Variants in ATL1 observed in about 807,000 individuals in gnomAD.
The protein encoded by ATL1 is atlastin-1.
In ATL1, 31 loss-of-function variants were observed where a neutral mutation model predicts 75.5. The ratio of observed to expected loss-of-function variants is 0.41; its 90% CI spans 0.31 to 0.55. The LOEUF is 0.55. ATL1 is among the 20% of genes least tolerant of loss of function. The pLI is 0.27. For missense variants in ATL1, 405 were observed against 662.6 expected (o/e 0.61, Z 4.27); for synonymous variants, 226 against 233.3 (o/e 0.97, Z 0.28).
Position 50,580,785 on chromosome 14 carries a change from G to A in ATL1, c.35-7046G>A, listed in dbSNP as rs186711017. On this transcript the variant is annotated intron_variant, in intron 1 of 13. Transcript: ENST00000358385. ...AGAAGTTTGTGTAAGATTGCTCTTC[G>A]TTGTTTTCTAAATGTTTAGAAGAGT... Among the ~76,000 whole-genome samples the A allele has an allele frequency of 3.9e-4, 59 of 152,152 alleles. 2 individuals carry two copies. The highest frequency in any genetic ancestry group is 2.4e-3 in the Admixed American group (36 of 15,286).
chr14:50,558,506 CTATT>C (rs1475174976), upstream of ATL1, among the ~76,000 whole-genome samples: 1 of 152,148 alleles, frequency 6.6e-6, no homozygotes, highest in Non-Finnish European at 1.5e-5. Context: ...ATACAGAGAG[CTATT>C]TATTTAAGCA....
chr14:50,582,960 T>C (rs1159300805), intron 1 of ATL1, among the ~76,000 whole-genome samples: 1 of 152,214 alleles, frequency 6.6e-6, no homozygotes, highest in East Asian at 1.9e-4. Context: ...AGCTATATGA[T>C]CACCTCAATA....
intron 1 of ATL1, among the ~76,000 whole-genome samples, chr14:50,586,227 CATT>C (rs2039100479): frequency 6.6e-6 from 1 of 152,130 alleles, no homozygotes; most frequent in African/African-American, 2.4e-5. Context: ...AAATTATTAT[CATT>C]GTCTTAGTCA....
At chr14:50,547,475 A>C (rs532909420) in intron 1 of ATL1, among the ~76,000 whole-genome samples, 1 of 152,352 alleles carries the variant, frequency 6.6e-6, no homozygotes, top group Non-Finnish European at 1.5e-5. Context: ...AGGAGCAAAA[A>C]GAATATGGGC....
intron 8 of ATL1, among the ~76,000 whole-genome samples, chr14:50,619,000 C>G (rs547520307): frequency 2.0e-5 from 3 of 152,212 alleles, no homozygotes; most frequent in Non-Finnish European, 4.4e-5. Context: ...AAGCGATTCT[C>G]CTGCCTCAGC....
At chr14:50,540,233 C>G (rs1199788659) in intron 1 of ATL1, among the ~76,000 whole-genome samples, 1 of 152,168 alleles carries the variant, frequency 6.6e-6, no homozygotes, top group East Asian at 1.9e-4. Flanking sequence ...ATAGGTGGTG[C>G]TATCCTATTA....
rs140584469 is a variant in ATL1, at chr14:50,550,388, AC to A, written c.-139-9736del. Among the ~76,000 whole-genome samples, 345 of 152,302 alleles carry A rather than the reference AC, an allele frequency of 2.3e-3. 3 individuals carry two copies. Among genetic ancestry groups the A allele is most frequent in the African/African-American group, 7.7e-3 (320 of 41,562 alleles). On this transcript the variant is annotated intron_variant, in intron 1 of 13. Transcript: ENST00000441560. ...CATCTGTGTTTGCCTTGTTTCTGCTACCCATGGCAGCTGGTAATGTCTTCTG... is the reference window on the plus strand; with the variant it reads ...CATCTGTGTTTGCCTTGTTTCTGCTACCATGGCAGCTGGTAATGTCTTCTG...
intron 1 of ATL1, among the ~76,000 whole-genome samples, chr14:50,584,597 T>C (rs947074199): frequency 2.0e-5 from 3 of 151,872 alleles, no homozygotes; most frequent in Admixed American, 2.0e-4. Flanking sequence ...TAGTCCCAGC[T>C]ATTCAGGAGG....
At chr14:50,613,002 C>G (rs984393174) in intron 6 of ATL1, among the ~76,000 whole-genome samples, 8 of 152,106 alleles carry the variant, frequency 5.3e-5, no homozygotes, top group Non-Finnish European at 1.0e-4. Flanking sequence ...GGAGTCATCT[C>G]TGTCATCTCT....
intron 11 of ATL1, among the ~76,000 whole-genome samples, chr14:50,625,921 A>T (rs1183865495): frequency 6.6e-6 from 1 of 151,724 alleles, no homozygotes; most frequent in Non-Finnish European, 1.5e-5. Flanking sequence ...AAAGAAAAAA[A>T]AAATCATGCT....
At chr14:50,585,856 A>C (rs2039096429) in intron 1 of ATL1, among the ~76,000 whole-genome samples, 1 of 152,188 alleles carries the variant, frequency 6.6e-6, no homozygotes, top group African/African-American at 2.4e-5. Flanking sequence ...ACTTTTCTTA[A>C]CTTTGCAGAG....
intron 2 of ATL1, among the ~76,000 whole-genome samples, chr14:50,589,155 C>CTTTTT (rs34191629): frequency 4.4e-3 from 482 of 109,074 alleles, no homozygotes; most frequent in South Asian, 5.9e-3. Context: ...TTCTTTCTTT[C>CTTTTT]TTTTTTTTTT....
chr14:50,611,826 G>T (rs919715618), intron 6 of ATL1, among the ~76,000 whole-genome samples: 1 of 152,152 alleles, frequency 6.6e-6, no homozygotes, highest in Non-Finnish European at 1.5e-5. Context: ...CTGCTGGTAA[G>T]GTTATAAATT....
rs35548036 is a variant in ATL1 at position 50,569,418 on chromosome 14, C to CAAAA, written c.34+9130_34+9133dup. 8.3e-3 allele frequency among the ~76,000 whole-genome samples: 978 copies of CAAAA among 118,418 alleles called. 24 individuals carry two copies. The highest frequency in any genetic ancestry group is 0.013 in the Non-Finnish European group (749 of 56,054). 77.7% of individuals were successfully genotyped at this position (118,418 alleles called of 152,430 possible). On this transcript the variant is annotated intron_variant, in intron 1 of 13. Coordinates refer to ENST00000358385, the MANE Select transcript of ATL1 (RefSeq NM_015915.5). ...TGGGCAACAGAGAAAGACTCTGTCT[C>CAAAA]AAAAAAAAAAAAAATACATTACTTT...
At chr14:50,563,148 A>C (rs1318921050) in intron 1 of ATL1, among the ~76,000 whole-genome samples, 1 of 152,186 alleles carries the variant, frequency 6.6e-6, no homozygotes, top group Non-Finnish European at 1.5e-5. Flanking sequence ...ATTCATCTGC[A>C]TTATTGCATT....
upstream of ATL1, among the ~76,000 whole-genome samples, chr14:50,558,686 G>A (rs2038795646): frequency 6.6e-6 from 1 of 152,000 alleles, no homozygotes; most frequent in Admixed American, 6.6e-5. Flanking sequence ...CTTAAAAATG[G>A]GATTCATATG....
intron 8 of ATL1, among the ~76,000 whole-genome samples, chr14:50,616,963 C>T (rs1211554843): frequency 1.3e-5 from 2 of 152,146 alleles, no homozygotes; most frequent in African/African-American, 2.4e-5. Context: ...GTGATGTTCT[C>T]CAGAGGGCTG....
intron 12 of ATL1, 81 bp from the exon 13 acceptor site, chr14:50,629,912 TTG>T: frequency 9.1e-7 from 1 of 1,096,344 alleles, no homozygotes; most frequent in African/African-American, 1.7e-5. Flanking sequence ...CAAATTAATA[TTG>T]TAAGCAAAGT....
chr14:50,536,671 T>C (rs1390881029), intron 1 of ATL1, among the ~76,000 whole-genome samples: 1 of 152,168 alleles, frequency 6.6e-6, no homozygotes, highest in Non-Finnish European at 1.5e-5. Context: ...TGAGGTAGTC[T>C]CAAATGGAGA....
Sources: gnomAD v4.1 joint callset for allele counts (sites outside exome capture counted in the v4.1 genomes callset) on GRCh38, gnomAD v4.1.1 for gene constraint, MANE v1.5 for transcripts, NCBI Gene and HGNC (gene_info 2026-07-23, HGNC 2026-07-21) for gene names.